ODR4: variants seen among roughly 807,000 people sequenced by gnomAD.
ODR4 encodes protein odr-4 homolog.
A neutral mutation model predicts 60.2 loss-of-function variants in ODR4; 47 were observed. The observed-to-expected ratio is 0.78, with a 90% confidence interval of 0.62 to 1.00. The LOEUF (loss-of-function observed/expected upper bound fraction) is 1.00. Among genes scored for constraint, ODR4 ranks in the 50% least tolerant of loss-of-function variants. The probability of loss-of-function intolerance (pLI) is 0.00; values close to 1 mark genes in which losing one functional copy is unlikely to be tolerated. For missense variants in ODR4, 488 were observed against 530.8 expected, an observed-to-expected ratio of 0.92 and a Z score of 0.79; for synonymous variants, 178 against 175.5, an observed-to-expected ratio of 1.01 and a Z score of -0.11.
downstream of ODR4, among the ~76,000 whole-genome samples, chr1:186,424,866 A>T (rs748799926): frequency 2.0e-5 from 3 of 151,884 alleles, no homozygotes; most frequent in Non-Finnish European, 4.4e-5. Context: ...CAAGAAGAGG[A>T]AAGTAGAAGC....
At chr1:186,398,511 T>TTTAATC in intron 10 of ODR4, 70 bp downstream of exon 10, 1 of 1,409,018 alleles carries the variant, frequency 7.1e-7, no homozygotes, top group Non-Finnish European at 9.5e-7. Flanking sequence ...TTTACCATTT[T>TTTAATC]TTAATCTTAT....
chr1:186,429,513 G>C, the ODR4 span, among the ~76,000 whole-genome samples: 1 of 152,008 alleles, frequency 6.6e-6, no homozygotes, highest in Non-Finnish European at 1.5e-5. Flanking sequence ...GTTCCCTAAA[G>C]AAATAGTTAC....
At chr1:186,377,688 C>A (rs1659839785) in intron 1 of ODR4, among the ~76,000 whole-genome samples, 1 of 152,132 alleles carries the variant, frequency 6.6e-6, no homozygotes, top group Admixed American at 6.5e-5. Context: ...TTTAGACAAG[C>A]ATTCCTAGAC....
rs911387794 is a variant in ODR4, at chr1:186,401,058, C to T, written c.1000+2014C>T. 4.4e-6 allele frequency: 7 copies of T among 1,595,526 alleles called. No individual in the cohort carries two copies. The Admixed American group carries it at 8.4e-5, about 19-fold the overall frequency. ...GGATTTGCAGGGTATGGGGATGTAT[C>T]CACCATTATTGTTAAAGATTTACCT... On this transcript the variant is annotated intron_variant, in intron 11 of 13. Coordinates refer to ENST00000287859, the MANE Select transcript of ODR4 (RefSeq NM_017847.6).
intron 13 of ODR4, among the ~76,000 whole-genome samples, chr1:186,418,138 A>AG (rs756328755): frequency 6.6e-6 from 1 of 152,214 alleles, no homozygotes; most frequent in Non-Finnish European, 1.5e-5. Context: ...AATTTGAGAA[A>AG]TACTAAGTTT....
At chr1:186,377,507 G>A (rs1304657313) in intron 1 of ODR4, among the ~76,000 whole-genome samples, 2 of 152,098 alleles carry the variant, frequency 1.3e-5, no homozygotes, top group East Asian at 3.8e-4. Flanking sequence ...AAGGTTAAAA[G>A]GTTAAATATA....
In ODR4 at chr1:186,383,141, A is replaced by G. The variant is rs148251645; in HGVS notation, c.219A>G (p.Thr73=). The G allele has an allele frequency of 2.7e-4, 414 of 1,550,364 alleles. 4 individuals carry two copies. The East Asian group carries it at 9.7e-3, about 36-fold the overall frequency. ...ATAACTTGGATGAAGAATGGGCCAC[A>G]GAACATGCCTGCCAGGTTATCTTAT... The part of the protein sequence containing the change: ...KLDNLDEEWA[T]EHACQVSRML... Residue 73 remains threonine, a synonymous_variant, in exon 3 of 14, where the codon ACA becomes ACG. Coordinates refer to ENST00000287859, the MANE Select transcript of ODR4 (RefSeq NM_017847.6).
intron 8 of ODR4, among the ~76,000 whole-genome samples, chr1:186,393,376 G>A (rs574761451): frequency 6.6e-6 from 1 of 152,294 alleles, no homozygotes; most frequent in South Asian, 2.1e-4. Flanking sequence ...TTTCCAAATT[G>A]TAAACTGCTG....
intron 6 of ODR4, among the ~76,000 whole-genome samples, chr1:186,390,404 T>C (rs1660418008): frequency 6.6e-6 from 1 of 152,216 alleles, no homozygotes; most frequent in South Asian, 2.1e-4. Flanking sequence ...ATCTTCAGTA[T>C]TGATACTGTT....
At chr1:186,415,824 A>G (rs1229820514) in intron 12 of ODR4, among the ~76,000 whole-genome samples, 2 of 152,236 alleles carry the variant, frequency 1.3e-5, no homozygotes, top group Non-Finnish European at 2.9e-5. Context: ...AGCATAATGA[A>G]GTAGAAAGAG....
At chr1:186,393,830 ATAAT>A in intron 8 of ODR4, 113 bp from the exon 9 acceptor site, 1 of 632,860 alleles carries the variant, frequency 1.6e-6, no homozygotes, top group Non-Finnish European at 2.8e-6. Context: ...CTAAATTAAA[ATAAT>A]TAAAAGACTT....
chr1:186,429,245 G>A, the ODR4 span, among the ~76,000 whole-genome samples: 2 of 151,898 alleles, frequency 1.3e-5, no homozygotes, highest in African/African-American at 2.4e-5. Context: ...CACTGAGCCT[G>A]GGTGACACAC....
At chr1:186,377,201 G>GA (rs1267973725) in intron 1 of ODR4, among the ~76,000 whole-genome samples, 1 of 152,042 alleles carries the variant, frequency 6.6e-6, no homozygotes, top group Non-Finnish European at 1.5e-5. Context: ...ATAGTGACAA[G>GA]AAAAAACATC....
At chr1:186,429,400 T>G in the ODR4 span, among the ~76,000 whole-genome samples, 3 of 152,324 alleles carry the variant, frequency 2.0e-5, no homozygotes, top group South Asian at 6.2e-4. Flanking sequence ...TGCAGGGTTG[T>G]AAAAACTTTC....
At chr1:186,393,507 T>C (rs1660546740) in intron 8 of ODR4, among the ~76,000 whole-genome samples, 1 of 152,246 alleles carries the variant, frequency 6.6e-6, no homozygotes, top group Non-Finnish European at 1.5e-5. Flanking sequence ...AGCGGAACTT[T>C]TGTGATCTCT....
At position 186,417,540 on chromosome 1, in the gene ODR4, T is replaced by A. The variant is rs1558101624; in HGVS notation, c.1187-4T>A. ...TGGAATTTATTATTATTATACCCTT[T>A]CAGCTTGTATGAGTTCTTCTATGAA... On this transcript the variant is annotated splice_region_variant and splice_polypyrimidine_tract_variant and intron_variant, in intron 12 of 13. Transcript: ENST00000287859. 6.6e-7 allele frequency: 1 copy of A among 1,504,946 alleles called. No individual in the cohort carries two copies. The highest frequency in any genetic ancestry group is 9.1e-7 in the Non-Finnish European group (1 of 1,094,564). The allele number at this position is 1,504,946 out of a possible 1,614,324, so 93.2% of individuals were successfully genotyped here. A position where few individuals can be genotyped will look rare whatever the true frequency, so the allele number is the denominator to read the frequency against.
chr1:186,395,768 A>G (rs933418391), intron 9 of ODR4, among the ~76,000 whole-genome samples: 2 of 152,128 alleles, frequency 1.3e-5, no homozygotes, highest in Non-Finnish European at 2.9e-5. Flanking sequence ...ATACACTCAG[A>G]TGATCATTTC....
chr1:186,400,404 C>T (rs369258688), intron 11 of ODR4, among the ~76,000 whole-genome samples: 1 of 151,836 alleles, frequency 6.6e-6, no homozygotes, highest in Non-Finnish European at 1.5e-5. Context: ...CTCAGCCTCC[C>T]GAGTAGCTGA....
In ODR4 at chr1:186,419,103, A is replaced by G. The variant is rs376888294; in HGVS notation, c.*27A>G. ...GTGAGGCACAAAGAGTTTCTTGATC[A>G]TCCAGAGAACATTGACAGACAATTA... On this transcript the variant is annotated 3_prime_UTR_variant, in exon 14 of 14. Coordinates refer to ENST00000287859, the MANE Select transcript of ODR4 (RefSeq NM_017847.6). 32 of 1,572,216 alleles carry G rather than the reference A, an allele frequency of 2.0e-5. No individual in the cohort carries two copies. In the African/African-American group the frequency reaches 3.9e-4, roughly 19 times the overall value.
Sources: allele counts gnomAD v4.1 joint callset (sites outside exome capture counted in the v4.1 genomes callset), GRCh38; gene constraint gnomAD v4.1.1; transcripts MANE v1.5; gene names NCBI Gene and HGNC (gene_info 2026-07-23, HGNC 2026-07-21).